PTPRN2: variants seen among roughly 807,000 people sequenced by gnomAD.
PTPRN2 encodes protein tyrosine phosphatase receptor type N2.
A neutral mutation model predicts 118.8 loss-of-function variants in PTPRN2; 74 were observed. The ratio of observed to expected loss-of-function variants is 0.62; its 90% CI spans 0.52 to 0.76. The LOEUF is 0.76. PTPRN2 is among the 30% of genes least tolerant of loss of function. The pLI is 0.00. For missense variants in PTPRN2, 1,481 were observed against 1,394.4 expected, an observed-to-expected ratio of 1.06 and a Z score of -0.99; for synonymous variants, 641 against 608.0, an observed-to-expected ratio of 1.05 and a Z score of -0.80.
chr7:158,474,814 A>C (rs1820125753), intron 2 of PTPRN2, among the ~76,000 whole-genome samples: 1 of 152,138 alleles, frequency 6.6e-6, no homozygotes, highest in Admixed American at 6.5e-5. Context: ...GGCTTTGGGG[A>C]AGCACTCGCT....
rs1807586813 is a variant in PTPRN2, at chr7:157,831,805, C to T, written c.1788+66868G>A. ...CTATGACAAGCCTGGCCACGTTAGACCCTCACGAGACGTCCCACGAATGGA... is the reference window on the plus strand; with the variant it reads ...CTATGACAAGCCTGGCCACGTTAGATCCTCACGAGACGTCCCACGAATGGA... On this transcript the variant is annotated intron_variant, in intron 12 of 22. Coordinates refer to ENST00000389418, the MANE Select transcript of PTPRN2 (RefSeq NM_002847.5). This position sits in a 1 kb window ranked among gnomAD's most constrained non-coding sequence, Gnocchi z 4.8. Among the ~76,000 whole-genome samples, 1 of 152,218 alleles carries T rather than the reference C, an allele frequency of 6.6e-6. No homozygotes were observed. The highest frequency in any genetic ancestry group is 1.5e-5 in the Non-Finnish European group (1 of 68,034).
At chr7:158,391,681 C>A (rs983537194) in intron 2 of PTPRN2, among the ~76,000 whole-genome samples, 1 of 152,226 alleles carries the variant, frequency 6.6e-6, no homozygotes, top group African/African-American at 2.4e-5. Context: ...TGGAGTCCCA[C>A]CCCAGCCCCT....
rs549518522 is a variant in PTPRN2 at position 158,263,500 on chromosome 7, C to T, written c.277+53319G>A. 6.6e-5 allele frequency among the ~76,000 whole-genome samples: 10 copies of T among 152,378 alleles called. No individual in the cohort carries two copies. The South Asian group carries it at 2.1e-3, about 32-fold the overall frequency. On this transcript the variant is annotated intron_variant, in intron 3 of 22. Transcript: ENST00000389418. ...ACAGGAGGGGCTTCCTCACCCCATG[C>T]TGCCTGGGTTTGGGGCAGGCCCATC...
intron 3 of PTPRN2, among the ~76,000 whole-genome samples, chr7:158,262,936 ACACACACATT>A (rs1361358100): frequency 1.4e-5 from 2 of 140,648 alleles, no homozygotes; most frequent in Non-Finnish European, 3.0e-5. Flanking sequence ...CACACACTGC[ACACACACATT>A]CACACACATA....
At chr7:158,220,078 C>G (rs531377623) in intron 3 of PTPRN2, among the ~76,000 whole-genome samples, 24 of 152,056 alleles carry the variant, frequency 1.6e-4, no homozygotes, top group African/African-American at 5.8e-4. Context: ...TTAATAGATA[C>G]AGGAAGGGCT....
intron 20 of PTPRN2, 76 bp from the exon 21 acceptor site, chr7:157,569,042 T>C (rs221294): frequency 0.95 from 1,294,679 of 1,357,064 alleles, 618,454 homozygotes; most frequent in Middle Eastern, 0.99. Context: ...TAGTGACAGT[T>C]CATTTCCTTC....
rs1220986771 is a variant in PTPRN2 at position 158,102,748 on chromosome 7, AGATG to A, written c.1643+8077_1643+8080del. 8.7e-3 allele frequency among the ~76,000 whole-genome samples: 1,325 copies of A among 152,164 alleles called. 26 individuals are homozygous for A. The highest frequency in any genetic ancestry group is 0.029 in the African/African-American group (1,214 of 41,528). On this transcript the variant is annotated intron_variant, in intron 10 of 22. Transcript: ENST00000389418. ...CACGCTTGAATCACACTTGCACTTA[AGATG>A]CAAGTGTGCACTTGCACACTTCTCT... is the stretch of plus-strand genomic sequence containing the variant.
rs371097714 is a variant in PTPRN2 at position 158,373,048 on chromosome 7, G to A, written c.164-56116C>T. Among the ~76,000 whole-genome samples the A allele has an allele frequency of 1.6e-4, 25 of 152,314 alleles. No individual in the cohort carries two copies. In the East Asian group the frequency reaches 2.9e-3, roughly 18 times the overall value. On this transcript the variant is annotated intron_variant, in intron 2 of 22. Transcript: ENST00000389418. Reference sequence around the variant, plus strand: ...GAGGATGCGCTGCACAGGGCAGCACGGCCGAAGGTTCCACCCAGCGGCCTC... The same window carrying A: ...GAGGATGCGCTGCACAGGGCAGCACAGCCGAAGGTTCCACCCAGCGGCCTC...
intron 11 of PTPRN2, among the ~76,000 whole-genome samples, chr7:158,052,393 A>G (rs1408733464): frequency 6.6e-6 from 1 of 152,230 alleles, no homozygotes; most frequent in Non-Finnish European, 1.5e-5. Context: ...AGCAGTGACT[A>G]CTGGTTCTGT....
chr7:157,905,147 G>A (rs114207545), intron 11 of PTPRN2, among the ~76,000 whole-genome samples: 327 of 152,320 alleles, frequency 2.1e-3, no homozygotes, highest in African/African-American at 7.5e-3. Flanking sequence ...CTGTGTAACT[G>A]AGGACTCACA....
At chr7:157,902,832 G>T (rs10232893) in intron 11 of PTPRN2, among the ~76,000 whole-genome samples, 26,863 of 152,108 alleles carry the variant, frequency 0.18, 2,812 homozygotes, top group Admixed American at 0.34. Context: ...CTCTTCAGTG[G>T]ACCTGAGCTG....
chr7:158,035,752 A>G (rs1808050334), intron 11 of PTPRN2, among the ~76,000 whole-genome samples: 1 of 152,234 alleles, frequency 6.6e-6, no homozygotes, highest in South Asian at 2.1e-4. Context: ...ATCTAACATA[A>G]CACATTGATT....
intron 12 of PTPRN2, among the ~76,000 whole-genome samples, chr7:157,833,719 G>A (rs894392016): frequency 3.3e-5 from 5 of 152,218 alleles, no homozygotes; most frequent in African/African-American, 7.2e-5. Flanking sequence ...AGATGCAGCC[G>A]TTAGTATGAT....
chr7:158,258,918 G>A (rs563434670), intron 3 of PTPRN2, among the ~76,000 whole-genome samples: 157 of 152,272 alleles, frequency 1.0e-3, no homozygotes, highest in African/African-American at 3.5e-3. Flanking sequence ...TAGACACACC[G>A]GCTAGGAGAC....
intron 1 of PTPRN2, among the ~76,000 whole-genome samples, chr7:158,545,329 C>T (rs1001604701): frequency 6.6e-6 from 1 of 152,246 alleles, no homozygotes. Flanking sequence ...ATGCAGGGAC[C>T]AGTCCTGTGC....
chr7:158,397,005 C>T (rs950780741), intron 2 of PTPRN2, among the ~76,000 whole-genome samples: 2 of 152,202 alleles, frequency 1.3e-5, no homozygotes, highest in South Asian at 4.1e-4. Flanking sequence ...TGAAACAAAC[C>T]GACATCCTGT....
In PTPRN2 at chr7:157,760,415, C is replaced by T. The variant is rs1448269641; in HGVS notation, c.1789-77478G>A. 3.3e-5 allele frequency among the ~76,000 whole-genome samples: 5 copies of T among 152,088 alleles called. No homozygotes were observed. The East Asian group carries it at 9.6e-4, about 29-fold the overall frequency. Reference sequence around the variant, plus strand: ...TGCACGACCCCAAACTTCCTAAAGGCTCATGACGCAAATAAAACCACAAGT... The same window carrying T: ...TGCACGACCCCAAACTTCCTAAAGGTTCATGACGCAAATAAAACCACAAGT... On this transcript the variant is annotated intron_variant, in intron 12 of 22. Coordinates refer to ENST00000389418, the MANE Select transcript of PTPRN2 (RefSeq NM_002847.5).
intron 11 of PTPRN2, among the ~76,000 whole-genome samples, chr7:157,926,534 A>AT (rs1799004361): frequency 6.6e-6 from 1 of 152,226 alleles, no homozygotes; most frequent in Admixed American, 6.5e-5. Context: ...CATCTAATTT[A>AT]TTTTAATATT....
At chr7:158,372,421 CACTGGTCCCCGAAGCTGGTCCCCCCAAT>C (rs1405524172) in intron 2 of PTPRN2, among the ~76,000 whole-genome samples, 7 of 140,216 alleles carry the variant, frequency 5.0e-5, no homozygotes, top group African/African-American at 8.2e-5. Context: ...GTCCCCCCAA[CACTGGTCCCCGAAGCTGGTCCCCCCAAT>C]GCTGGTCCCT....
Sources: gnomAD v4.1 joint callset for allele counts (sites outside exome capture counted in the v4.1 genomes callset) on GRCh38, gnomAD v4.1.1 for gene constraint, Gnocchi (gnomAD v3.1) non-coding constraint, MANE v1.5 for transcripts, NCBI Gene and HGNC (gene_info 2026-07-23, HGNC 2026-07-21) for gene names.